The following FNDC3B variants were observed in gnomAD, a reference collection of about 807,000 sequenced individuals.
The protein encoded by FNDC3B is fibronectin type III domain-containing protein 3B.
In FNDC3B, 12 loss-of-function variants were observed where a neutral mutation model predicts 151.5. The observed-to-expected ratio is 0.08, with a 90% CI of 0.05 to 0.13. FNDC3B has a LOEUF of 0.13. Ranked by LOEUF, FNDC3B falls within the 10% of genes least tolerant of loss-of-function variation. The probability of loss-of-function intolerance (pLI) is 1.00; values close to 1 mark genes in which losing one functional copy is unlikely to be tolerated. For synonymous variants in FNDC3B, 528 were observed against 549.0 expected (o/e 0.96, Z 0.54); for missense variants, 1,214 against 1,505.3 (o/e 0.81, Z 3.20).
At chr3:172,220,116 C>T (rs1269822363) in intron 3 of FNDC3B, among the ~76,000 whole-genome samples, 1 of 152,124 alleles carries the variant, frequency 6.6e-6, no homozygotes, top group Non-Finnish European at 1.5e-5. Flanking sequence ...TTCCTACCAG[C>T]AGTGTACAAG....
At chr3:172,174,685 A>G (rs950531305) in intron 3 of FNDC3B, among the ~76,000 whole-genome samples, 13 of 152,170 alleles carry the variant, frequency 8.5e-5, no homozygotes, top group African/African-American at 3.1e-4. Flanking sequence ...CAGGGGCCTT[A>G]TACAGATTGG....
chr3:172,383,390 G>A (rs1247846224), intron 25 of FNDC3B, among the ~76,000 whole-genome samples: 3 of 152,222 alleles, frequency 2.0e-5, no homozygotes, highest in Middle Eastern at 3.4e-3. Context: ...TTTTCTAAAC[G>A]TACAATCATG....
chr3:172,182,862 G>A (rs1005934306), intron 3 of FNDC3B, among the ~76,000 whole-genome samples: 7 of 152,314 alleles, frequency 4.6e-5, no homozygotes, highest in Middle Eastern at 3.4e-3. Flanking sequence ...TTTAGAAAAG[G>A]GAGTAAAAGG....
chr3:172,325,085 A>G (rs1732275520), intron 11 of FNDC3B, among the ~76,000 whole-genome samples: 1 of 152,260 alleles, frequency 6.6e-6, no homozygotes, highest in Non-Finnish European at 1.5e-5. Flanking sequence ...GATTAGGCCT[A>G]AGTCATGGCT....
intron 2 of FNDC3B, among the ~76,000 whole-genome samples, chr3:172,115,335 G>T (rs921912267): frequency 6.6e-6 from 1 of 152,202 alleles, no homozygotes; most frequent in East Asian, 1.9e-4. Flanking sequence ...AGAAACACAA[G>T]AGGATGTAGG....
At chr3:172,119,473 A>T (rs1019899500) in intron 2 of FNDC3B, among the ~76,000 whole-genome samples, 1 of 151,764 alleles carries the variant, frequency 6.6e-6, no homozygotes, top group African/African-American at 2.4e-5. Context: ...AGGAGTTCAG[A>T]GGAGGAATTG....
At chr3:172,071,933 C>A (rs2108487702) in intron 1 of FNDC3B, among the ~76,000 whole-genome samples, 1 of 151,918 alleles carries the variant, frequency 6.6e-6, no homozygotes, top group Non-Finnish European at 1.5e-5. Flanking sequence ...TGGCTCCAAT[C>A]CCAGTGCTAA....
At chr3:172,302,795 A>G (rs1730983626) in intron 9 of FNDC3B, 1 of 152,044 alleles carries the variant, frequency 6.6e-6, no homozygotes. Flanking sequence ...TGTAAAGGGC[A>G]TTGTGTTATG....
At chr3:172,310,256 A>G (rs1358588051) in intron 10 of FNDC3B, among the ~76,000 whole-genome samples, 2 of 152,238 alleles carry the variant, frequency 1.3e-5, no homozygotes, top group African/African-American at 2.4e-5. Context: ...AAAGCAAATG[A>G]TGAAACTTCC....
At chr3:172,200,557 G>T (rs1242612534) in intron 3 of FNDC3B, among the ~76,000 whole-genome samples, 2 of 152,166 alleles carry the variant, frequency 1.3e-5, no homozygotes, top group Non-Finnish European at 2.9e-5. Flanking sequence ...ATAAAATAGT[G>T]TTTATGTTAG....
chr3:172,349,646 TTTTTC>T (rs1453833858), intron 21 of FNDC3B, among the ~76,000 whole-genome samples: 1 of 151,984 alleles, frequency 6.6e-6, no homozygotes, highest in Non-Finnish European at 1.5e-5. Context: ...AGTGATAATG[TTTTTC>T]TTTTCTTTTT....
At chr3:172,385,684 G>A (rs546738523) in intron 25 of FNDC3B, among the ~76,000 whole-genome samples, 29 of 151,086 alleles carry the variant, frequency 1.9e-4, no homozygotes, top group African/African-American at 6.8e-4. Flanking sequence ...TCAGCCTCCC[G>A]AGTAGCTGGG....
chr3:172,176,695 T>C (rs1192822192), intron 3 of FNDC3B, among the ~76,000 whole-genome samples: 1 of 152,312 alleles, frequency 6.6e-6, no homozygotes, highest in East Asian at 1.9e-4. Context: ...AACTGTAGCT[T>C]AGTGTTTAAA....
chr3:172,101,186 C>A (rs1384747151), intron 1 of FNDC3B, among the ~76,000 whole-genome samples: 1 of 152,138 alleles, frequency 6.6e-6, no homozygotes, highest in East Asian at 1.9e-4. Context: ...GTTTTGAAGA[C>A]AAATTCACCT....
intron 22 of FNDC3B, among the ~76,000 whole-genome samples, chr3:172,361,259 T>C (rs1734342668): frequency 6.6e-6 from 1 of 152,210 alleles, no homozygotes; most frequent in African/African-American, 2.4e-5. Flanking sequence ...AAAGTACTCT[T>C]TCCTTCTCTA....
intron 16 of FNDC3B, among the ~76,000 whole-genome samples, chr3:172,339,387 C>T (rs1733166902): frequency 6.6e-6 from 1 of 151,924 alleles, no homozygotes; most frequent in Non-Finnish European, 1.5e-5. Context: ...ATGGTGAAAC[C>T]CGTCTCTGCT....
chr3:172,040,659 G>A lies in FNDC3B; in HGVS notation c.-29+888G>A, dbSNP rs1209402674. On this transcript the variant is annotated intron_variant, in intron 1 of 25. Coordinates refer to ENST00000415807, the MANE Select transcript of FNDC3B (RefSeq NM_022763.4). The surrounding 1 kb of genome is among the most constrained non-coding windows in gnomAD (Gnocchi z 6.6). ...TCACCCCGAGGGGCGCCTCGGCCGG[G>A]GATAGGGCGGGCGGGCGGAATCTGC... 6.6e-6 allele frequency: 1 copy of A among 152,012 alleles called. No individual in the cohort carries two copies. Among genetic ancestry groups the A allele is most frequent in the African/African-American group, 2.4e-5 (1 of 41,412 alleles). The allele number at this position is 152,012 out of a possible 1,614,324, so 9.4% of individuals were successfully genotyped here.
At chr3:172,130,446 C>T (rs995538445) in intron 2 of FNDC3B, among the ~76,000 whole-genome samples, 2 of 151,846 alleles carry the variant, frequency 1.3e-5, no homozygotes, top group African/African-American at 4.8e-5. Flanking sequence ...GTATTTTCGT[C>T]GGATGCTTAA....
At chr3:172,088,733 A>G (rs9841859) in intron 1 of FNDC3B, among the ~76,000 whole-genome samples, 87,847 of 151,960 alleles carry the variant, frequency 0.58, 25,450 homozygotes, top group Admixed American at 0.62. Flanking sequence ...TAAATTTTAC[A>G]TAGTGAAATC....
Sources: allele counts gnomAD v4.1 joint callset (sites outside exome capture counted in the v4.1 genomes callset), GRCh38; gene constraint gnomAD v4.1.1; non-coding constraint Gnocchi (gnomAD v3.1); transcripts MANE v1.5; gene names NCBI Gene and HGNC (gene_info 2026-07-23, HGNC 2026-07-21).